TEX15: variants seen among roughly 807,000 people sequenced by gnomAD.
The protein encoded by TEX15 is testis expressed 15, meiosis and synapsis associated, also known as testis-expressed protein 15.
In TEX15, 171 loss-of-function variants were observed where a neutral mutation model predicts 237.3. The observed-to-expected ratio is 0.72, with a 90% CI of 0.64 to 0.82. The LOEUF (loss-of-function observed/expected upper bound fraction) is 0.82. Among genes scored for constraint, TEX15 ranks in the 40% least tolerant of loss-of-function variants. The pLI, the probability that TEX15 is intolerant of heterozygous loss-of-function variation, is 0.00. For missense variants in TEX15, 3,750 were observed against 3,646.5 expected, an observed-to-expected ratio of 1.03 and a Z score of -0.73; for synonymous variants, 1,338 against 1,269.8, an observed-to-expected ratio of 1.05 and a Z score of -1.14.
At chr8:30,860,281 C>G (rs1039361142) in intron 5 of TEX15, among the ~76,000 whole-genome samples, 1 of 151,866 alleles carries the variant, frequency 6.6e-6, no homozygotes, top group Admixed American at 6.6e-5. Flanking sequence ...ACCACCGTGC[C>G]CAGCTAATTT....
In TEX15 at chr8:30,848,553, A is replaced by T. The variant is rs766121729; in HGVS notation, c.1614T>A (p.Phe538Leu). 2.5e-6 allele frequency: 4 copies of T among 1,614,148 alleles called. No individual in the cohort carries two copies. The highest frequency in any genetic ancestry group is 3.4e-6 in the Non-Finnish European group (4 of 1,180,014). ...MAGQCKDQGN[F>L]SFPISVSNVV... ...CATTTGACACAGAAATTGGGAAGGA[A>T]AAATTACCTTGGTCCTTACATTGCC... Residue 538 changes from phenylalanine (F) to leucine (L), a missense_variant, in exon 8 of 11, where the codon TTT (phenylalanine) becomes TTA (leucine). Transcript: ENST00000643185.
chr8:30,890,603 G>A (rs1808776900), intron 2 of TEX15: 1 of 152,086 alleles, frequency 6.6e-6, no homozygotes, highest in Admixed American at 6.5e-5. Flanking sequence ...GCCTCTCTCT[G>A]TTTAACTCTT....
chr8:30,888,500 C>T lies in TEX15; in HGVS notation c.-9-1189G>A. Reference sequence around the variant, plus strand: ...TTTTCCCTCTCCTTTCTCTCTCTCCCCAAACTCCCCTGCAACCTCCATCCC... The same window carrying T: ...TTTTCCCTCTCCTTTCTCTCTCTCCTCAAACTCCCCTGCAACCTCCATCCC... On this transcript the variant is annotated intron_variant, in intron 2 of 10. Transcript: ENST00000643185. 5.1e-6 allele frequency: 3 copies of T among 590,014 alleles called. No homozygotes were observed. The South Asian group carries it at 5.2e-5, about 10-fold the overall frequency. The allele number at this position is 590,014 out of a possible 1,614,324, so 36.5% of individuals were successfully genotyped here.
intron 1 of TEX15, among the ~76,000 whole-genome samples, chr8:30,910,610 CTTTTTTTTTT>C (rs796129316): frequency 9.2e-5 from 9 of 97,912 alleles, no homozygotes; most frequent in Non-Finnish European, 1.5e-4. Context: ...CACGCCTGGC[CTTTTTTTTTT>C]TTTTTTTTTT....
Position 30,899,520 on chromosome 8 carries a change from G to A in TEX15, c.-85-703C>T, listed in dbSNP as rs145223101. Among the ~76,000 whole-genome samples the A allele has an allele frequency of 5.3e-5, 8 of 152,214 alleles. 1 individual carries two copies. In the South Asian group the frequency reaches 6.2e-4, roughly 12 times the overall value. On this transcript the variant is annotated intron_variant, in intron 1 of 10. Coordinates refer to ENST00000643185, the MANE Select transcript of TEX15 (RefSeq NM_001350162.2). Reference sequence around the variant, plus strand: ...GTACAGTGGCATGATTTTGGCTCACGGCTCACTGCAACCTCCGCTGCCTGG... The same window carrying A: ...GTACAGTGGCATGATTTTGGCTCACAGCTCACTGCAACCTCCGCTGCCTGG...
intron 1 of TEX15, among the ~76,000 whole-genome samples, chr8:30,912,325 C>CG (rs142310861): frequency 1 from 150,272 of 150,968 alleles, 74,788 homozygotes; most frequent in Middle Eastern, 1. Context: ...GGTCCCGGGG[C>CG]GGCGGGGCTC....
At chr8:30,888,745 A>C (rs1000863754) in intron 2 of TEX15, 1 of 979,608 alleles carries the variant, frequency 1.0e-6, no homozygotes, top group Non-Finnish European at 1.4e-6. Flanking sequence ...AAGATCACAA[A>C]GGATAAGGTT....
At position 30,844,631 on chromosome 8, in the gene TEX15, TC is replaced by T; in HGVS notation, c.5535del (p.Trp1845Ter). 6.2e-7 allele frequency: 1 copy of T among 1,613,372 alleles called. No homozygotes were observed. The highest frequency in any genetic ancestry group is 8.5e-7 in the Non-Finnish European group (1 of 1,179,594). ...VKKDTEDRIT[W>X]KVKQAEKAKD... ...TTTGCTTTTTCCGCTTGTTTAACTTTCCACGTTATTCTGTCCTCAGTGTCTT... is the reference window on the plus strand; with the variant it reads ...TTTGCTTTTTCCGCTTGTTTAACTTTCACGTTATTCTGTCCTCAGTGTCTT... On this transcript the variant is annotated frameshift_variant, in exon 8 of 11. Coordinates refer to ENST00000643185, the MANE Select transcript of TEX15 (RefSeq NM_001350162.2). LOFTEE classifies it high-confidence loss of function.
chr8:30,879,318 T>A (rs1808471268), intron 3 of TEX15, among the ~76,000 whole-genome samples: 1 of 152,226 alleles, frequency 6.6e-6, no homozygotes, highest in Non-Finnish European at 1.5e-5. Flanking sequence ...TTTTATAGAT[T>A]GTGTTTTTGG....
rs540205168 is a variant in TEX15, at chr8:30,855,022, G to A, written c.850+3646C>T. Among the ~76,000 whole-genome samples, 3 of 152,178 alleles carry A rather than the reference G, an allele frequency of 2.0e-5. No individual in the cohort carries two copies. The East Asian group carries it at 5.8e-4, about 29-fold the overall frequency. ...TCCTACAACGGACATCATACTTCCTGGTAAAAGACTGGATGCCTTCCCCCT... is the reference window on the plus strand; with the variant it reads ...TCCTACAACGGACATCATACTTCCTAGTAAAAGACTGGATGCCTTCCCCCT... On this transcript the variant is annotated intron_variant, in intron 7 of 10. Transcript: ENST00000643185.
chr8:30,850,698 C>T (rs1379583497), intron 7 of TEX15, among the ~76,000 whole-genome samples: 1 of 151,814 alleles, frequency 6.6e-6, no homozygotes, highest in Non-Finnish European at 1.5e-5. Context: ...ATTTAAAAAA[C>T]TCCATAAAAG....
In TEX15 at chr8:30,837,239, A is replaced by G. The variant is rs916978955; in HGVS notation, c.9045T>C (p.Tyr3015=). Residue 3015 remains tyrosine (Y), a synonymous_variant, in exon 10 of 11, where the codon TAT becomes TAC. Coordinates refer to ENST00000643185, the MANE Select transcript of TEX15 (RefSeq NM_001350162.2). ...ATGCAGACTGTGGAAGTTCATTCCAATATGTGGCAGCATTCTGCATTAGGA... is the reference window on the plus strand; with the variant it reads ...ATGCAGACTGTGGAAGTTCATTCCAGTATGTGGCAGCATTCTGCATTAGGA... ...SKVLMQNAAT[Y]WNELPQSACN... 3 of 1,614,190 alleles carry G rather than the reference A, an allele frequency of 1.9e-6. No homozygotes were observed. Among genetic ancestry groups the G allele is most frequent in the East Asian group, 2.2e-5 (1 of 44,884 alleles).
At position 30,846,443 on chromosome 8, in the gene TEX15, C is replaced by T; in HGVS notation, c.3724G>A (p.Asp1242Asn). 1 of 1,613,282 alleles carries T rather than the reference C, an allele frequency of 6.2e-7. No individual in the cohort carries two copies. Residue 1242 changes from aspartate to asparagine, a missense_variant, in exon 8 of 11, where the codon GAC becomes AAC. Transcript: ENST00000643185. ...TTCACATCTGTATTACGACTCAAGT[C>T]AAAAGAAAGGGAGATTTCAGAGTTA... ...VSNSEISLSF[D>N]LSRNTDVNHT...
intron 10 of TEX15, among the ~76,000 whole-genome samples, chr8:30,836,532 A>G (rs1344689303): frequency 6.6e-6 from 1 of 152,090 alleles, no homozygotes; most frequent in Non-Finnish European, 1.5e-5. Flanking sequence ...GATTAACTAT[A>G]AGTTACTTAA....
At chr8:30,907,727 TATAAATTAGATATA>T (rs1809138713) in intron 1 of TEX15, among the ~76,000 whole-genome samples, 2 of 139,204 alleles carry the variant, frequency 1.4e-5, no homozygotes, top group Admixed American at 1.5e-4. Context: ...AAAATTTATA[TATAAATTAGATATA>T]AAATTTTATA....
In TEX15 at chr8:30,858,707, A is replaced by G. The variant is rs1296351824; in HGVS notation, c.811T>C (p.Ser271Pro). ...SKVDNGRLMT[S>P]LRFLSTGFPK... ...AATCCTGTTGAGAGGAATCTCAAAG[A>G]TGTCATAAGGCGTCCATTATCTACT... The change falls in exon 7 of 11, where the codon TCT (serine) becomes CCT (proline). Residue 271 changes from serine to proline, a missense_variant. Ser to Pro is a moderately conservative substitution (Grantham distance 74). Transcript: ENST00000643185. The G allele has an allele frequency of 6.5e-7, 1 of 1,535,746 alleles. No individual in the cohort carries two copies. Among genetic ancestry groups the G allele is most frequent in the Admixed American group, 2.0e-5 (1 of 50,960 alleles).
At position 30,847,917 on chromosome 8, in the gene TEX15, C is replaced by G; in HGVS notation, c.2250G>C (p.Leu750Phe). The G allele has an allele frequency of 6.2e-7, 1 of 1,613,894 alleles. No individual in the cohort carries two copies. Among genetic ancestry groups the G allele is most frequent in the Non-Finnish European group, 8.5e-7 (1 of 1,179,912 alleles). The change falls in exon 8 of 11, where the codon TTG becomes TTC. Residue 750 changes from leucine to phenylalanine, a missense_variant. By Grantham distance (22) the Leu-to-Phe change is conservative. Coordinates refer to ENST00000643185, the MANE Select transcript of TEX15 (RefSeq NM_001350162.2). ...TAGCATAATTTTGATTTATTTTCCC[C>G]AATTTCAGTTCCATTAGCTTTTGAG... ...AIAQKLMELK[L>F]GKINQNYASI... is the part of the protein sequence containing the mutation.
chr8:30,841,425 A>C (rs2128766936), intron 8 of TEX15, among the ~76,000 whole-genome samples: 1 of 152,326 alleles, frequency 6.6e-6, no homozygotes, highest in African/African-American at 2.4e-5. Context: ...TCTTGAAGTA[A>C]GATAATAGGA....
intron 1 of TEX15, among the ~76,000 whole-genome samples, chr8:30,909,835 G>C (rs1020870929): frequency 1.3e-5 from 2 of 152,088 alleles, no homozygotes; most frequent in Non-Finnish European, 2.9e-5. Flanking sequence ...AGAAGATGAG[G>C]TTATTTTTCA....
Sources: gnomAD v4.1 joint callset for allele counts (sites outside exome capture counted in the v4.1 genomes callset) on GRCh38, gnomAD v4.1.1 for gene constraint, MANE v1.5 for transcripts, NCBI Gene and HGNC (gene_info 2026-07-23, HGNC 2026-07-21) for gene names.